The following PTPRU variants were observed in gnomAD, a reference collection of about 807,000 sequenced individuals.
PTPRU encodes the protein protein tyrosine phosphatase receptor type U.
Under a neutral mutation model 166.3 loss-of-function variants are expected in PTPRU, and 69 were observed. The observed-to-expected ratio is 0.41, with a 90% CI of 0.34 to 0.51. PTPRU has a LOEUF of 0.51. Ranked by LOEUF, PTPRU falls within the 20% of genes least tolerant of loss-of-function variation. PTPRU has a pLI of 0.09. For missense variants in PTPRU, 1,657 were observed against 2,013.7 expected (o/e 0.82, Z 3.39); for synonymous variants, 793 against 814.0 (o/e 0.97, Z 0.44).
chr1:29,243,724 C>T (rs749362559), intron 1 of PTPRU, among the ~76,000 whole-genome samples: 1 of 152,196 alleles, frequency 6.6e-6, no homozygotes, highest in Non-Finnish European at 1.5e-5. Flanking sequence ...TGAGCTGTGT[C>T]TTTGTCATCT....
intron 1 of PTPRU, among the ~76,000 whole-genome samples, chr1:29,241,316 C>T (rs1684044052): frequency 6.6e-6 from 1 of 152,050 alleles, no homozygotes; most frequent in Non-Finnish European, 1.5e-5. Context: ...CAGAGGCTAT[C>T]CCAGCATCCC....
intron 26 of PTPRU, among the ~76,000 whole-genome samples, chr1:29,322,172 A>T (rs1688189438): frequency 6.6e-6 from 1 of 152,240 alleles, no homozygotes; most frequent in African/African-American, 2.4e-5. Flanking sequence ...TTGCTAGGGT[A>T]GAGGGGAGAG....
chr1:29,239,277 G>A (rs1021276310), intron 1 of PTPRU, among the ~76,000 whole-genome samples: 25 of 152,186 alleles, frequency 1.6e-4, no homozygotes, highest in Admixed American at 1.3e-3. Context: ...GGGTAGGGGC[G>A]GTGTGTGATG....
chr1:29,246,989 C>A (rs1254907597), intron 1 of PTPRU, among the ~76,000 whole-genome samples: 1 of 152,188 alleles, frequency 6.6e-6, no homozygotes, highest in Non-Finnish European at 1.5e-5. Flanking sequence ...ATACTCTGTT[C>A]CTCAGGACTG....
chr1:29,297,680 G>C (rs1251246256), intron 15 of PTPRU, among the ~76,000 whole-genome samples: 1 of 152,150 alleles, frequency 6.6e-6, no homozygotes, highest in East Asian at 1.9e-4. Flanking sequence ...GGGAGATCAG[G>C]GTGGTGTGGG....
intron 18 of PTPRU, among the ~76,000 whole-genome samples, chr1:29,307,599 C>T (rs1179439691): frequency 6.6e-6 from 1 of 152,276 alleles, no homozygotes; most frequent in Non-Finnish European, 1.5e-5. Flanking sequence ...AGCCCCAGGT[C>T]AGCCTCCTAA....
At chr1:29,322,399 G>A (rs1221386255) in intron 26 of PTPRU, among the ~76,000 whole-genome samples, 1 of 152,218 alleles carries the variant, frequency 6.6e-6, no homozygotes, top group African/African-American at 2.4e-5. Flanking sequence ...AGCTGGCACA[G>A]GGACAGAGAA....
chr1:29,304,706 C>T (rs969978089), intron 16 of PTPRU, 68 bp from the exon 17 acceptor site: 14 of 1,271,738 alleles, frequency 1.1e-5, no homozygotes, highest in Non-Finnish European at 1.4e-5. Context: ...ACATCATCCC[C>T]ACTGAGGGGA....
intron 1 of PTPRU, among the ~76,000 whole-genome samples, chr1:29,249,488 CTG>C (rs1684452546): frequency 6.6e-6 from 1 of 152,240 alleles, no homozygotes. Context: ...AGGGAGGCCT[CTG>C]TAGAGATGGG....
chr1:29,302,169 G>A (rs1687166200), intron 15 of PTPRU, among the ~76,000 whole-genome samples: 1 of 151,656 alleles, frequency 6.6e-6, no homozygotes, highest in African/African-American at 2.4e-5. Context: ...GTGTGTGTGT[G>A]TGTGTGTGTG....
intron 12 of PTPRU, chr1:29,283,575 C>T: frequency 3.1e-6 from 1 of 319,930 alleles, no homozygotes. Flanking sequence ...GAAGCCCCAC[C>T]TTATCCTCCA....
Position 29,260,520 on chromosome 1 carries a change from G to T in PTPRU, c.851-90G>T. The T allele has an allele frequency of 1.0e-6, 1 of 998,970 alleles. No homozygotes were observed. Among genetic ancestry groups the T allele is most frequent in the Non-Finnish European group, 1.4e-6 (1 of 711,962 alleles). The allele number at this position is 998,970 out of a possible 1,614,324, so 61.9% of individuals were successfully genotyped here. A position where few individuals can be genotyped will look rare whatever the true frequency, so the allele number is the denominator to read the frequency against. On this transcript the variant is annotated intron_variant, in intron 6 of 29. Transcript: ENST00000373779. The surrounding 1 kb of genome is among the most constrained non-coding windows in gnomAD (Gnocchi z 8.3). Reference sequence around the variant, plus strand: ...GCGTGAGAGGCCCTAGGAGGACGGAGAGGGATTTGGGTGTGGTGGAACTCA... The same window carrying T: ...GCGTGAGAGGCCCTAGGAGGACGGATAGGGATTTGGGTGTGGTGGAACTCA...
At chr1:29,275,214 G>A (rs1685738645) in intron 7 of PTPRU, among the ~76,000 whole-genome samples, 1 of 152,166 alleles carries the variant, frequency 6.6e-6, no homozygotes, top group South Asian at 2.1e-4. Flanking sequence ...GGGGTGAAGT[G>A]ATTCAGCCAG....
In PTPRU at chr1:29,238,363, C is replaced by T. The variant is rs574366883; in HGVS notation, c.73+1646C>T. Among the ~76,000 whole-genome samples, 1 of 152,168 alleles carries T rather than the reference C, an allele frequency of 6.6e-6. No individual in the cohort carries two copies. The highest frequency in any genetic ancestry group is 2.1e-4 in the South Asian group (1 of 4,820). On this transcript the variant is annotated intron_variant, in intron 1 of 29. Coordinates refer to ENST00000373779, the MANE Select transcript of PTPRU (RefSeq NM_133178.4). This position sits in a 1 kb window ranked among gnomAD's most constrained non-coding sequence, Gnocchi z 6.1. The stretch of plus-strand genomic sequence containing the variant: ...CGGGGCCCTGCTCCGGGTGACCTCC[C>T]CCGCCCTCGCCACCGGCGGGGCTGC...
intron 8 of PTPRU, among the ~76,000 whole-genome samples, chr1:29,277,800 A>ATTCTTTTTT (rs1685874120): frequency 2.4e-5 from 1 of 41,782 alleles, no homozygotes; most frequent in African/African-American, 7.5e-5. Context: ...CACAGTTGTC[A>ATTCTTTTTT]TTCTTTTTTT....
intron 15 of PTPRU, among the ~76,000 whole-genome samples, chr1:29,296,319 G>T (rs907441685): frequency 1.3e-5 from 2 of 152,146 alleles, no homozygotes; most frequent in African/African-American, 4.8e-5. Flanking sequence ...TTTTTAGTTT[G>T]CTGAGAGGTT....
intron 29 of PTPRU, 56 bp from the exon 30 acceptor site, chr1:29,325,543 A>C (rs1449740105): frequency 5.8e-6 from 9 of 1,557,870 alleles, no homozygotes; most frequent in East Asian, 2.2e-5. Flanking sequence ...CCCTCCCCCC[A>C]CAATACTGGA....
intron 14 of PTPRU, among the ~76,000 whole-genome samples, chr1:29,285,805 CT>C (rs1316118662): frequency 6.6e-6 from 1 of 152,220 alleles, no homozygotes; most frequent in Non-Finnish European, 1.5e-5. Context: ...GCTTCTGGGA[CT>C]TTTCTGTTTG....
At chr1:29,314,218 C>T (rs1441200490) in intron 22 of PTPRU, among the ~76,000 whole-genome samples, 3 of 152,098 alleles carry the variant, frequency 2.0e-5, no homozygotes, top group Admixed American at 6.5e-5. Flanking sequence ...GACATTCGAT[C>T]GTATGTCTTT....
Sources: gnomAD v4.1 joint callset for allele counts (sites outside exome capture counted in the v4.1 genomes callset) on GRCh38, gnomAD v4.1.1 for gene constraint, Gnocchi (gnomAD v3.1) non-coding constraint, MANE v1.5 for transcripts, NCBI Gene and HGNC (gene_info 2026-07-23, HGNC 2026-07-21) for gene names.